The following EFHB variants were observed in gnomAD, a reference collection of about 807,000 sequenced individuals.
The protein encoded by EFHB is EF-hand domain-containing family member B.
Under a neutral mutation model 87.2 loss-of-function variants are expected in EFHB, and 91 were observed. The observed-to-expected ratio is 1.04, with a 90% CI of 0.88 to 1.24. EFHB has a LOEUF of 1.24. Among genes scored for constraint, EFHB ranks in the 50% most tolerant of loss-of-function variants. The pLI, the probability that EFHB is intolerant of heterozygous loss-of-function variation, is 0.00. For synonymous variants in EFHB, 325 were observed against 333.6 expected (o/e 0.97, Z 0.28); for missense variants, 1,084 against 998.8 (o/e 1.09, Z -1.15).
At chr3:19,915,444 A>G in intron 4 of EFHB, 31 bp from the exon 5 acceptor site, 1 of 1,476,176 alleles carries the variant, frequency 6.8e-7, no homozygotes, top group Non-Finnish European at 9.4e-7. Flanking sequence ...ATCAGTTCCA[A>G]GTCACTTTTT....
intron 6 of EFHB, among the ~76,000 whole-genome samples, chr3:19,900,563 TA>T (rs773493959): frequency 4.6e-5 from 7 of 152,148 alleles, no homozygotes; most frequent in Admixed American, 1.3e-4. Flanking sequence ...TCAAAAAGCA[TA>T]AAAACACTCA....
chr3:19,926,912 G>A (rs1278469512), intron 1 of EFHB, among the ~76,000 whole-genome samples: 4 of 151,946 alleles, frequency 2.6e-5, no homozygotes, highest in East Asian at 1.9e-4. Flanking sequence ...CACCCGCCTC[G>A]GCCTCCCAAA....
chr3:19,933,105 T>C (rs1453282782), intron 1 of EFHB, 125 bp downstream of exon 1: 7 of 1,198,094 alleles, frequency 5.8e-6, no homozygotes, highest in South Asian at 1.7e-5. Flanking sequence ...GCAAGAAATA[T>C]AGGAATCTCA....
At chr3:19,894,614 C>A (rs1694410884) in intron 9 of EFHB, 1 of 152,114 alleles carries the variant, frequency 6.6e-6, no homozygotes, top group Admixed American at 6.5e-5. Context: ...CTGTACTAGA[C>A]CCACATCTTA....
At chr3:19,934,238 A>G, upstream of EFHB, 2 of 1,424,808 alleles carry the variant, frequency 1.4e-6, no homozygotes, top group Non-Finnish European at 1.8e-6. Flanking sequence ...TTACCTGGGA[A>G]ACAGGGGCGG....
intron 1 of EFHB, among the ~76,000 whole-genome samples, chr3:19,926,588 C>A (rs1296050542): frequency 6.6e-6 from 1 of 152,016 alleles, no homozygotes; most frequent in African/African-American, 2.4e-5. Flanking sequence ...TGGTCTCGAT[C>A]TCCTGACTTC....
In EFHB at chr3:19,879,662, G is replaced by GCATGC; in HGVS notation, c.2466_2470dup (p.Ala824GlyfsTer26). ...GAGTGTTTTACACTTGATCCGGTCT[G>GCATGC]CATGCCGTAGCTCATCTAGAACATT... On this transcript the variant is annotated frameshift_variant, in exon 13 of 13. Transcript: ENST00000295824. LOFTEE classifies it high-confidence loss of function. The GCATGC allele has an allele frequency of 1.2e-6, 2 of 1,601,228 alleles. No individual in the cohort carries two copies. Among genetic ancestry groups the GCATGC allele is most frequent in the Non-Finnish European group, 1.7e-6 (2 of 1,176,032 alleles).
At chr3:19,926,681 G>A (rs1271030290) in intron 1 of EFHB, among the ~76,000 whole-genome samples, 4 of 42,720 alleles carry the variant, frequency 9.4e-5, no homozygotes, top group Non-Finnish European at 2.1e-4. Flanking sequence ...TTTTATTTTT[G>A]AGACAGTTTC....
chr3:19,934,330 T>C (rs1481386181), upstream of EFHB: 36 of 1,061,986 alleles, frequency 3.4e-5, no homozygotes, highest in Admixed American at 8.1e-5. Context: ...TCTCTCTCTC[T>C]CCCCTCTTCT....
chr3:19,896,989 T>G (rs1694511677), intron 8 of EFHB, 148 bp from the exon 9 acceptor site: 1 of 681,442 alleles, frequency 1.5e-6, no homozygotes, highest in South Asian at 2.1e-5. Flanking sequence ...CAGAAAATCC[T>G]TATGTACTCT....
intron 1 of EFHB, among the ~76,000 whole-genome samples, chr3:19,925,479 A>AGAAAAGGG (rs1467984989): frequency 6.6e-6 from 1 of 152,098 alleles, no homozygotes; most frequent in African/African-American, 2.4e-5. Flanking sequence ...TCTGTCAGTG[A>AGAAAAGGG]GAAAAGGGTT....
chr3:19,934,419 T>C (rs1695957814), upstream of EFHB, among the ~76,000 whole-genome samples: 1 of 114,366 alleles, frequency 8.7e-6, no homozygotes, highest in South Asian at 3.5e-4. Flanking sequence ...TCTCTCTCCC[T>C]CTCCTCTCCT....
intron 1 of EFHB, among the ~76,000 whole-genome samples, chr3:19,925,174 G>A (rs1454729641): frequency 6.6e-6 from 1 of 150,982 alleles, no homozygotes; most frequent in Non-Finnish European, 1.5e-5. Flanking sequence ...CCAGGGAGAC[G>A]GAGCTTGCAG....
rs112105013 is a variant in EFHB at position 19,900,438 on chromosome 3, T to C, written c.1419-923A>G. ...AACCTAGTAAACAAGCAAATATATA[T>C]AAGCATATGGAGAGAGAAAGAATAT... On this transcript the variant is annotated intron_variant, in intron 6 of 12. Transcript: ENST00000295824. 9.0e-3 allele frequency among the ~76,000 whole-genome samples: 1,361 copies of C among 152,044 alleles called. 15 individuals carry two copies. Among genetic ancestry groups the C allele is most frequent in the African/African-American group, 0.032 (1,310 of 41,456 alleles).
rs182153751 is a variant in EFHB at position 19,883,495 on chromosome 3, A to G, written c.2147-764T>C. Among the ~76,000 whole-genome samples the G allele has an allele frequency of 1.1e-4, 17 of 152,314 alleles. No individual in the cohort carries two copies. In the East Asian group the frequency reaches 3.3e-3, roughly 29 times the overall value. On this transcript the variant is annotated intron_variant, in intron 11 of 12. Coordinates refer to ENST00000295824, the MANE Select transcript of EFHB (RefSeq NM_144715.4). ...TTCCAAGGATGTGATCTTGATCAACATAAAATAGTTTTTCTATATCACCAA... is the reference window on the plus strand; with the variant it reads ...TTCCAAGGATGTGATCTTGATCAACGTAAAATAGTTTTTCTATATCACCAA...
intron 11 of EFHB, among the ~76,000 whole-genome samples, chr3:19,884,196 A>G (rs2071753623): frequency 6.6e-6 from 1 of 152,152 alleles, no homozygotes; most frequent in South Asian, 2.1e-4. Context: ...TATATAAAGA[A>G]TCATTTTACT....
At chr3:19,884,717 TA>T in intron 10 of EFHB, 102 bp from the exon 11 acceptor site, 1 of 1,144,378 alleles carries the variant, frequency 8.7e-7, no homozygotes. Context: ...CTCTTCTTGC[TA>T]ATGGAAACAG....
chr3:19,943,252 TG>T, intron 1 of EFHB: 1 of 265,294 alleles, frequency 3.8e-6, no homozygotes, highest in Non-Finnish European at 7.8e-6. Flanking sequence ...TTTTACATGC[TG>T]GAAAACACCC....
At chr3:19,887,456 G>A (rs537759892) in intron 10 of EFHB, among the ~76,000 whole-genome samples, 2 of 151,006 alleles carry the variant, frequency 1.3e-5, no homozygotes, top group Non-Finnish European at 2.9e-5. Flanking sequence ...AGTATGTTCA[G>A]TGTTATTTTA....
Sources: gnomAD v4.1 joint callset for allele counts (sites outside exome capture counted in the v4.1 genomes callset) on GRCh38, gnomAD v4.1.1 for gene constraint, MANE v1.5 for transcripts, NCBI Gene and HGNC (gene_info 2026-07-23, HGNC 2026-07-21) for gene names.